Variants in ALG13 observed in about 807,000 individuals in gnomAD.
The protein encoded by ALG13 is ALG13 UDP-N-acetylglucosaminyltransferase subunit.
A neutral mutation model predicts 87.8 loss-of-function variants in ALG13; 11 were observed. That is an observed-to-expected ratio of 0.13 (90% CI 0.08 to 0.21). The LOEUF is 0.21. Among genes scored for constraint, ALG13 ranks in the 10% least tolerant of loss-of-function variants. The pLI is 1.00. For synonymous variants in ALG13, 320 were observed against 306.3 expected, an observed-to-expected ratio of 1.04 and a Z score of -0.47; for missense variants, 756 against 866.1, an observed-to-expected ratio of 0.87 and a Z score of 1.60.
chrX:111,757,507 T>G, intron 25 of ALG13, 81 bp from the exon 26 acceptor site: 1 of 724,118 alleles, frequency 1.4e-6, no homozygotes, highest in Non-Finnish European at 1.9e-6. Context: ...TTTTTTTTTT[T>G]TTGTCTGTGG....
chrX:111,711,911 T>C (rs1047225209), intron 6 of ALG13, among the ~76,000 whole-genome samples, 186 bp downstream of exon 6: 20 of 112,214 alleles, frequency 1.8e-4, no homozygotes, highest in African/African-American at 6.1e-4. Context: ...GTGTTGAATA[T>C]TGATAATTGT....
chrX:111,698,527 C>T (rs907474937), intron 3 of ALG13, among the ~76,000 whole-genome samples: 1 of 111,352 alleles, frequency 9.0e-6, no homozygotes, highest in East Asian at 2.8e-4. Flanking sequence ...TTCCCACTCA[C>T]CCCCCAGCTT....
intron 24 of ALG13, 113 bp from the exon 25 acceptor site, chrX:111,752,677 A>C: frequency 4.1e-6 from 2 of 489,566 alleles, no homozygotes; most frequent in Non-Finnish European, 7.0e-6. Flanking sequence ...AGGCCTCCCA[A>C]AGTGCTGGGA....
At chrX:111,715,960 C>T (rs1402669563) in intron 8 of ALG13, among the ~76,000 whole-genome samples, 2 of 111,540 alleles carry the variant, frequency 1.8e-5, no homozygotes, top group Non-Finnish European at 3.8e-5. Flanking sequence ...GAAGTACATA[C>T]TTACATTAAA....
intron 23 of ALG13, among the ~76,000 whole-genome samples, chrX:111,740,066 G>A (rs1003266818): frequency 6.3e-5 from 7 of 111,565 alleles, no homozygotes; most frequent in African/African-American, 2.3e-4. Context: ...ATAGTTACCT[G>A]TAGAAGTAAG....
At position 111,693,906 on chromosome X, in the gene ALG13, A is replaced by G. The variant is rs772556985; in HGVS notation, c.383+8803A>G. On this transcript the variant is annotated intron_variant, in intron 3 of 26. Coordinates refer to ENST00000394780, the MANE Select transcript of ALG13 (RefSeq NM_001099922.3). ...GTTAAGAATCCCTAGGCTGAGGCGAACTTCAGTAACTTCATTTCTTGGTCA... is the reference window on the plus strand; with the variant it reads ...GTTAAGAATCCCTAGGCTGAGGCGAGCTTCAGTAACTTCATTTCTTGGTCA... 1.2e-3 allele frequency among the ~76,000 whole-genome samples: 131 copies of G among 111,159 alleles called. 4 individuals carry two copies. The highest frequency in any genetic ancestry group is 4.9e-4 in the Non-Finnish European group (26 of 52,971).
chrX:111,758,061 G>A, intron 26 of ALG13, among the ~76,000 whole-genome samples: 1 of 111,535 alleles, frequency 9.0e-6, no homozygotes, highest in South Asian at 3.9e-4. Context: ...ACTGACCCCA[G>A]ACTCTGCTAG....
intron 25 of ALG13, chrX:111,753,241 T>C (rs905985484): frequency 8.7e-6 from 1 of 114,311 alleles, no homozygotes; most frequent in Non-Finnish European, 1.8e-5. Flanking sequence ...TATTTTGTTC[T>C]TTGAAACCAA....
At chrX:111,734,825 A>G (rs373130479) in intron 21 of ALG13, among the ~76,000 whole-genome samples, 14 of 111,617 alleles carry the variant, frequency 1.3e-4, no homozygotes, top group Non-Finnish European at 2.6e-4. Context: ...TTTAGTATCT[A>G]CATCAGGACT....
intron 26 of ALG13, among the ~76,000 whole-genome samples, chrX:111,758,906 C>G (rs899163013): frequency 2.7e-5 from 3 of 111,536 alleles, no homozygotes; most frequent in African/African-American, 6.5e-5. Flanking sequence ...TCGTACCTGA[C>G]TTGCCAGGGT....
At position 111,760,278 on chromosome X, in the gene ALG13, A is replaced by G; in HGVS notation, c.*279A>G. The G allele has an allele frequency of 3.5e-6, 1 of 286,794 alleles. No individual in the cohort carries two copies. The highest frequency in any genetic ancestry group is 6.1e-6 in the Non-Finnish European group (1 of 164,797). 23.6% of individuals were successfully genotyped at this position (286,794 alleles called of 1,213,427 possible). ...TTCCTGTCAGCCATTTGTCAGCTTT[A>G]TATTAGCTGATGGTACCAATTGATA... On this transcript the variant is annotated 3_prime_UTR_variant, in exon 27 of 27. Coordinates refer to ENST00000394780, the MANE Select transcript of ALG13 (RefSeq NM_001099922.3).
intron 23 of ALG13, chrX:111,743,694 C>T (rs1187788303): frequency 9.0e-6 from 1 of 111,617 alleles, no homozygotes; most frequent in African/African-American, 3.3e-5. Context: ...ATAACAAATT[C>T]AGCTTGTGTG....
chrX:111,691,592 T>A (rs1161789662), intron 3 of ALG13, among the ~76,000 whole-genome samples: 1 of 112,461 alleles, frequency 8.9e-6, no homozygotes, highest in Non-Finnish European at 1.9e-5. Context: ...GTATTTCATT[T>A]TAGGGTCCAA....
intron 3 of ALG13, among the ~76,000 whole-genome samples, chrX:111,697,565 A>T (rs1278141836): frequency 1.8e-5 from 2 of 112,006 alleles, no homozygotes; most frequent in African/African-American, 6.5e-5. Context: ...TTTGCTGTGG[A>T]GAAAGCCAAT....
intron 13 of ALG13, among the ~76,000 whole-genome samples, 194 bp from the exon 14 acceptor site, chrX:111,723,604 A>G (rs1380719136): frequency 8.9e-6 from 1 of 112,286 alleles, no homozygotes; most frequent in Non-Finnish European, 1.9e-5. Flanking sequence ...TCTGTGTTAA[A>G]TTTTAATTAC....
At chrX:111,735,166 C>A in intron 22 of ALG13, 44 bp downstream of exon 22, 1 of 850,639 alleles carries the variant, frequency 1.2e-6, no homozygotes. Context: ...GGCCTGAACA[C>A]AGAAAAATGA....
At chrX:111,757,387 T>A (rs1036564494) in intron 25 of ALG13, 8 of 329,637 alleles carry the variant, frequency 2.4e-5, no homozygotes, top group Non-Finnish European at 3.7e-5. Context: ...AAATATGAGA[T>A]ACAAATGCTG....
At chrX:111,749,461 G>A (rs752233891) in intron 24 of ALG13, among the ~76,000 whole-genome samples, 46 of 108,357 alleles carry the variant, frequency 4.2e-4, no homozygotes, top group Admixed American at 7.9e-4. Flanking sequence ...TTGAAGTAAG[G>A]TAGGGTCATT....
intron 19 of ALG13, 94 bp downstream of exon 19, chrX:111,728,399 C>T: frequency 2.0e-6 from 2 of 996,067 alleles, no homozygotes; most frequent in Non-Finnish European, 2.7e-6. Flanking sequence ...TGGCGTCTCT[C>T]TCTGTTCCAG....
Sources: gnomAD v4.1 joint callset for allele counts (sites outside exome capture counted in the v4.1 genomes callset) on GRCh38, gnomAD v4.1.1 for gene constraint, MANE v1.5 for transcripts, NCBI Gene and HGNC (gene_info 2026-07-23, HGNC 2026-07-21) for gene names.